The following WNT3A variants were observed in gnomAD, a reference collection of about 807,000 sequenced individuals.
WNT3A encodes the protein Wnt family member 3A, also known as protein Wnt-3a.
WNT3A carries 17 observed loss-of-function variants against 37.0 expected under a neutral mutation model. That is an observed-to-expected ratio of 0.46 (90% CI 0.31 to 0.69). WNT3A has a LOEUF of 0.69. WNT3A is among the 30% of genes least tolerant of loss of function. WNT3A has a pLI of 0.05. For synonymous variants in WNT3A, 187 were observed against 211.0 expected, an observed-to-expected ratio of 0.89 and a Z score of 0.99; for missense variants, 411 against 510.2, an observed-to-expected ratio of 0.81 and a Z score of 1.87.
intron 2 of WNT3A, among the ~76,000 whole-genome samples, chr1:228,044,061 A>G (rs1413621711): frequency 6.6e-6 from 1 of 152,114 alleles, no homozygotes; most frequent in East Asian, 1.9e-4. Flanking sequence ...GGCTCACTGC[A>G]GCCTTGAAGT....
chr1:228,011,274 A>G (rs915372129), intron 1 of WNT3A, among the ~76,000 whole-genome samples: 2 of 152,116 alleles, frequency 1.3e-5, no homozygotes, highest in African/African-American at 4.8e-5. Flanking sequence ...GGGCAGGGAC[A>G]TGGCCCAGGG....
At chr1:228,020,950 G>C (rs529612504) in intron 1 of WNT3A, among the ~76,000 whole-genome samples, 1 of 152,290 alleles carries the variant, frequency 6.6e-6, no homozygotes, top group East Asian at 1.9e-4. Context: ...TGGACACATC[G>C]ACAGGTGGTC....
intron 3 of WNT3A, among the ~76,000 whole-genome samples, chr1:228,052,054 C>A (rs1313087082): frequency 6.6e-6 from 1 of 152,184 alleles, no homozygotes. Flanking sequence ...AGATCCAAAC[C>A]GTATCAGGCA....
intron 2 of WNT3A, among the ~76,000 whole-genome samples, chr1:228,027,123 G>C (rs192460079): frequency 6.6e-5 from 10 of 152,206 alleles, no homozygotes; most frequent in African/African-American, 2.4e-4. Context: ...GATTACAGGC[G>C]TGAGCCACGG....
At chr1:228,056,786 T>C (rs2031690257) in intron 3 of WNT3A, among the ~76,000 whole-genome samples, 1 of 152,190 alleles carries the variant, frequency 6.6e-6, no homozygotes, top group African/African-American at 2.4e-5. Flanking sequence ...CCAAGGAGAA[T>C]GTTTGGGCTT....
intron 1 of WNT3A, among the ~76,000 whole-genome samples, chr1:228,015,701 C>T (rs1218493891): frequency 6.6e-6 from 1 of 151,312 alleles, no homozygotes; most frequent in African/African-American, 2.4e-5. Context: ...ACCACCACCC[C>T]CGCCTCCCCC....
At chr1:228,024,016 T>C (rs2030796128) in intron 2 of WNT3A, among the ~76,000 whole-genome samples, 1 of 152,254 alleles carries the variant, frequency 6.6e-6, no homozygotes, top group African/African-American at 2.4e-5. Context: ...TAATATTCCA[T>C]TGCATGGATG....
chr1:228,021,603 C>T (rs752045706), intron 1 of WNT3A, among the ~76,000 whole-genome samples: 5 of 152,182 alleles, frequency 3.3e-5, no homozygotes, highest in Middle Eastern at 3.2e-3. Context: ...GCTTGGGTGG[C>T]GTCCAAGTTC....
intron 3 of WNT3A, among the ~76,000 whole-genome samples, chr1:228,053,784 G>A (rs1301925139): frequency 6.6e-6 from 1 of 152,248 alleles, no homozygotes; most frequent in Non-Finnish European, 1.5e-5. Context: ...CCTGGAAAGA[G>A]AGAGGAGGAT....
chr1:228,010,337 A>G (rs1363041944), intron 1 of WNT3A, among the ~76,000 whole-genome samples: 1 of 151,626 alleles, frequency 6.6e-6, no homozygotes, highest in Non-Finnish European at 1.5e-5. Flanking sequence ...GCCTCCCGCC[A>G]CCGCCTCCCC....
At chr1:228,046,674 T>C (rs1339027062) in intron 2 of WNT3A, among the ~76,000 whole-genome samples, 2 of 150,930 alleles carry the variant, frequency 1.3e-5, no homozygotes, top group Non-Finnish European at 3.0e-5. Flanking sequence ...GGGATGTGCA[T>C]GTATGTGAGT....
chr1:228,033,564 T>C (rs904936986), intron 2 of WNT3A, among the ~76,000 whole-genome samples: 1 of 152,240 alleles, frequency 6.6e-6, no homozygotes, highest in African/African-American at 2.4e-5. Flanking sequence ...TTTTGATTAT[T>C]GTAGTTTTGT....
At chr1:228,047,140 G>C (rs567473015) in intron 2 of WNT3A, among the ~76,000 whole-genome samples, 8 of 152,202 alleles carry the variant, frequency 5.3e-5, no homozygotes, top group Non-Finnish European at 8.8e-5. Flanking sequence ...TTCCTGAGCT[G>C]GTGGTGGGAA....
intron 1 of WNT3A, among the ~76,000 whole-genome samples, chr1:228,017,774 C>T (rs1008130036): frequency 7.2e-5 from 11 of 152,092 alleles, no homozygotes; most frequent in Non-Finnish European, 1.5e-4. Context: ...AGCGGTGGCT[C>T]GGGCCCCTGG....
At chr1:228,029,245 G>A (rs1233929945) in intron 2 of WNT3A, among the ~76,000 whole-genome samples, 1 of 152,202 alleles carries the variant, frequency 6.6e-6, no homozygotes, top group Non-Finnish European at 1.5e-5. Flanking sequence ...GAGGGCCCTT[G>A]GAGCTTCCTT....
rs536146315 is a variant in WNT3A, at chr1:228,007,631, C to T, written c.71+432C>T. Among the ~76,000 whole-genome samples the T allele has an allele frequency of 6.6e-6, 1 of 152,328 alleles. No individual in the cohort carries two copies. Among genetic ancestry groups the T allele is most frequent in the East Asian group, 1.9e-4 (1 of 5,170 alleles). ...AAACCGTATCTTACACACAAACACACACACACGTTTTAAAACAAAGTCGAT... is the reference window on the plus strand; with the variant it reads ...AAACCGTATCTTACACACAAACACATACACACGTTTTAAAACAAAGTCGAT... On this transcript the variant is annotated intron_variant, in intron 1 of 3. Coordinates refer to ENST00000284523, the MANE Select transcript of WNT3A (RefSeq NM_033131.4). The surrounding 1 kb of genome is among the most constrained non-coding windows in gnomAD (Gnocchi z 6.0).
chr1:228,028,840 C>A (rs181598735), intron 2 of WNT3A, among the ~76,000 whole-genome samples: 288 of 152,236 alleles, frequency 1.9e-3, no homozygotes, highest in African/African-American at 6.6e-3. Context: ...TTCACAAATG[C>A]CCTTTATCCA....
intron 2 of WNT3A, among the ~76,000 whole-genome samples, chr1:228,046,630 G>A (rs1274699054): frequency 6.6e-6 from 1 of 151,118 alleles, no homozygotes; most frequent in East Asian, 2.0e-4. Flanking sequence ...TGTATGGTAT[G>A]TGTGGTATGC....
intron 2 of WNT3A, among the ~76,000 whole-genome samples, chr1:228,048,214 G>A (rs1039418765): frequency 1.3e-5 from 2 of 152,190 alleles, no homozygotes; most frequent in Non-Finnish European, 2.9e-5. Context: ...CCATAGAGAG[G>A]GCCCATCGGA....
Sources: gnomAD v4.1 joint callset for allele counts (sites outside exome capture counted in the v4.1 genomes callset) on GRCh38, gnomAD v4.1.1 for gene constraint, Gnocchi (gnomAD v3.1) non-coding constraint, MANE v1.5 for transcripts, NCBI Gene and HGNC (gene_info 2026-07-23, HGNC 2026-07-21) for gene names.